Variants in VRK2 observed in about 807,000 individuals in gnomAD.
VRK2 encodes the protein VRK serine/threonine kinase 2.
In VRK2, 60 loss-of-function variants were observed where a neutral mutation model predicts 57.6. The observed-to-expected ratio is 1.04, with a 90% CI of 0.85 to 1.29. The LOEUF (loss-of-function observed/expected upper bound fraction) is 1.29. VRK2 is among the 50% of genes most tolerant of loss of function. The pLI is 0.00. For missense variants in VRK2, 705 were observed against 588.1 expected (o/e 1.20, Z -2.06); for synonymous variants, 231 against 199.2 (o/e 1.16, Z -1.35).
intron 2 of VRK2, among the ~76,000 whole-genome samples, chr2:58,028,559 A>T (rs1405902148): frequency 2.0e-5 from 3 of 152,092 alleles, no homozygotes; most frequent in African/African-American, 7.2e-5. Context: ...TGCAGCCATA[A>T]AAAATGATGA....
intron 12 of VRK2, among the ~76,000 whole-genome samples, chr2:58,151,560 A>G (rs1295346974): frequency 1.3e-5 from 2 of 151,420 alleles, no homozygotes; most frequent in African/African-American, 4.8e-5. Context: ...TATTTCATGT[A>G]ACTATATTTG....
intron 3 of VRK2, among the ~76,000 whole-genome samples, chr2:58,034,559 G>C (rs576097333): frequency 6.6e-6 from 1 of 151,960 alleles, no homozygotes. Context: ...GGCAGGGATG[G>C]TTTGTTTTAT....
chr2:57,932,870 T>C (rs1343613722), intron 1 of VRK2, among the ~76,000 whole-genome samples: 1 of 152,192 alleles, frequency 6.6e-6, no homozygotes, highest in African/African-American at 2.4e-5. Context: ...TTCCATAATT[T>C]TGGTATTTTG....
chr2:58,075,542 A>C (rs1213192369), intron 2 of VRK2, among the ~76,000 whole-genome samples: 1 of 152,128 alleles, frequency 6.6e-6, no homozygotes, highest in Non-Finnish European at 1.5e-5. Context: ...AACCTCGCCA[A>C]CATCTATTGT....
intron 4 of VRK2, 85 bp downstream of exon 4, chr2:58,085,035 T>C: frequency 1.6e-6 from 2 of 1,264,868 alleles, no homozygotes. Context: ...TCTGGCCTTC[T>C]GGAAAATTCT....
At position 57,966,695 on chromosome 2, in the gene VRK2, T is replaced by C. The variant is rs1036833769; in HGVS notation, c.-439+58856T>C. The stretch of plus-strand genomic sequence containing the variant: ...TGAAGGTTGAATAATTCTGGAAACT[T>C]AAAGTAAAAACAGATACAAAATATT... On this transcript the variant is annotated intron_variant, in intron 1 of 15. Transcript: ENST00000417641. 4.8e-4 allele frequency among the ~76,000 whole-genome samples: 73 copies of C among 152,100 alleles called. 2 individuals carry two copies. The highest frequency in any genetic ancestry group is 1.7e-3 in the African/African-American group (72 of 41,482).
intron 3 of VRK2, among the ~76,000 whole-genome samples, chr2:58,038,872 G>C (rs1446815156): frequency 6.6e-6 from 1 of 151,962 alleles, no homozygotes; most frequent in Non-Finnish European, 1.5e-5. Flanking sequence ...CACTACTACA[G>C]GTGCTGATGA....
At chr2:57,981,882 T>A (rs923930998) in intron 1 of VRK2, among the ~76,000 whole-genome samples, 25 of 152,220 alleles carry the variant, frequency 1.6e-4, no homozygotes, top group African/African-American at 5.3e-4. Flanking sequence ...TCTATGTCTA[T>A]CATTTCAGCC....
intron 1 of VRK2, among the ~76,000 whole-genome samples, chr2:57,946,800 A>T (rs1671275033): frequency 6.6e-6 from 1 of 152,164 alleles, no homozygotes. Context: ...AGCTTACTAC[A>T]GTCATGATAT....
At chr2:58,059,553 A>G (rs570272154) in intron 2 of VRK2, among the ~76,000 whole-genome samples, 14 of 151,936 alleles carry the variant, frequency 9.2e-5, no homozygotes, top group African/African-American at 3.4e-4. Context: ...TAAGATAAAT[A>G]GGATCGTGTT....
intron 1 of VRK2, among the ~76,000 whole-genome samples, chr2:58,014,268 T>A (rs893011205): frequency 3.3e-5 from 5 of 152,200 alleles, no homozygotes; most frequent in African/African-American, 1.2e-4. Context: ...TGTGCATTGG[T>A]CAAGAGTAAT....
At chr2:58,031,795 T>C (rs1166742985) in intron 2 of VRK2, among the ~76,000 whole-genome samples, 1 of 152,104 alleles carries the variant, frequency 6.6e-6, no homozygotes, top group Non-Finnish European at 1.5e-5. Context: ...TCTGCTCAGA[T>C]GTGGAACACG....
chr2:58,048,960 A>G lies in VRK2; in HGVS notation c.129A>G (p.Ile43Met), dbSNP rs765571345. 81 of 1,611,450 alleles carry G rather than the reference A, an allele frequency of 5.0e-5. No individual in the cohort carries two copies. Among genetic ancestry groups the G allele is most frequent in the Non-Finnish European group, 6.5e-5 (77 of 1,179,206 alleles). ...TTGGCTCTGGAGGATTTGGATTGATATATTTAGGTAAAGTAAAACCTTAAA... is the reference window on the plus strand; with the variant it reads ...TTGGCTCTGGAGGATTTGGATTGATGTATTTAGGTAAAGTAAAACCTTAAA... ...KKIGSGGFGL[I>M]YLAFPTNKPE... The change falls in exon 2 of 13, where the codon ATA becomes ATG. Residue 43 changes from isoleucine to methionine, a missense_variant. Coordinates refer to ENST00000340157, the MANE Select transcript of VRK2 (RefSeq NM_006296.7).
intron 2 of VRK2, among the ~76,000 whole-genome samples, chr2:58,070,462 T>C (rs1455092960): frequency 6.6e-6 from 1 of 152,178 alleles, no homozygotes; most frequent in Non-Finnish European, 1.5e-5. Flanking sequence ...GCTACACCTG[T>C]TTATTCGTCT....
chr2:58,107,549 C>T (rs1265703920), intron 7 of VRK2, among the ~76,000 whole-genome samples: 1 of 152,146 alleles, frequency 6.6e-6, no homozygotes, highest in African/African-American at 2.4e-5. Context: ...ACACATTTCT[C>T]ATTACAGCAA....
At chr2:57,966,572 A>G (rs1003866372) in intron 1 of VRK2, among the ~76,000 whole-genome samples, 2 of 152,228 alleles carry the variant, frequency 1.3e-5, no homozygotes, top group African/African-American at 4.8e-5. Flanking sequence ...CTCACAAGGA[A>G]TTTTAGAAGT....
chr2:58,012,470 G>GT (rs888275725), intron 1 of VRK2, among the ~76,000 whole-genome samples: 3 of 151,964 alleles, frequency 2.0e-5, no homozygotes, highest in African/African-American at 4.8e-5. Flanking sequence ...TGTTCAAGAG[G>GT]TTTTTTTTAA....
At chr2:58,047,013 G>T in intron 1 of VRK2, 145 bp downstream of exon 1, 4 of 977,388 alleles carry the variant, frequency 4.1e-6, no homozygotes, top group Non-Finnish European at 4.9e-6. Context: ...CTCAGCTCCG[G>T]CCCGGGCAGA....
intron 1 of VRK2, among the ~76,000 whole-genome samples, chr2:57,934,865 T>C (rs576291755): frequency 6.6e-6 from 1 of 152,322 alleles, no homozygotes; most frequent in African/African-American, 2.4e-5. Context: ...ATACTCTCTA[T>C]TGCACTTTTC....
Sources: allele counts gnomAD v4.1 joint callset (sites outside exome capture counted in the v4.1 genomes callset), GRCh38; gene constraint gnomAD v4.1.1; transcripts MANE v1.5; gene names NCBI Gene and HGNC (gene_info 2026-07-23, HGNC 2026-07-21).